Variants in TMEM132C observed in about 807,000 individuals in gnomAD.
The protein encoded by TMEM132C is transmembrane protein 132C, also known as protein phosphatase 1, regulatory subunit 152.
In TMEM132C, 29 loss-of-function variants were observed where a neutral mutation model predicts 61.4. That is an observed-to-expected ratio of 0.47 (90% CI 0.35 to 0.64). The LOEUF (loss-of-function observed/expected upper bound fraction) is 0.64, where lower values mean the gene tolerates loss of function less well. TMEM132C is among the 30% of genes least tolerant of loss of function. The pLI is 0.00. For synonymous variants in TMEM132C, 656 were observed against 633.1 expected, an observed-to-expected ratio of 1.04 and a Z score of -0.54; for missense variants, 1,408 against 1,476.9, an observed-to-expected ratio of 0.95 and a Z score of 0.76.
chr12:128,461,266 A>C (rs964873678), intron 2 of TMEM132C, among the ~76,000 whole-genome samples: 7 of 152,186 alleles, frequency 4.6e-5, no homozygotes, highest in African/African-American at 1.7e-4. Flanking sequence ...GACAAGGGAC[A>C]TAGAACTGTG....
At chr12:128,640,828 G>A (rs1954152164) in intron 4 of TMEM132C, among the ~76,000 whole-genome samples, 1 of 152,182 alleles carries the variant, frequency 6.6e-6, no homozygotes, top group Non-Finnish European at 1.5e-5. Flanking sequence ...TTGGGCCGCA[G>A]TGAGCCATGA....
chr12:128,527,902 T>C (rs1873145878), intron 2 of TMEM132C, among the ~76,000 whole-genome samples: 1 of 152,208 alleles, frequency 6.6e-6, no homozygotes, highest in Admixed American at 6.5e-5. Context: ...AGCAAGTTTC[T>C]TAACCATTCT....
At chr12:128,516,706 G>A (rs1872730915) in intron 2 of TMEM132C, among the ~76,000 whole-genome samples, 2 of 152,000 alleles carry the variant, frequency 1.3e-5, no homozygotes, top group Admixed American at 1.3e-4. Flanking sequence ...GAGGCCAGAA[G>A]TTCAAGACCA....
At chr12:128,585,338 A>T (rs1330422327) in intron 3 of TMEM132C, among the ~76,000 whole-genome samples, 1 of 152,064 alleles carries the variant, frequency 6.6e-6, no homozygotes, top group Non-Finnish European at 1.5e-5. Flanking sequence ...GGAGATGTTA[A>T]ATGCCCAAAG....
intron 2 of TMEM132C, among the ~76,000 whole-genome samples, chr12:128,451,126 C>A (rs1857590939): frequency 6.6e-6 from 1 of 152,078 alleles, no homozygotes; most frequent in African/African-American, 2.4e-5. Context: ...GATTTGGGTT[C>A]TTTGCTGTTT....
At chr12:128,622,354 AAAAAAAATATAT>A (rs1403414706) in intron 4 of TMEM132C, among the ~76,000 whole-genome samples, 1 of 66,256 alleles carries the variant, frequency 1.5e-5, no homozygotes, top group African/African-American at 6.3e-5. Flanking sequence ...AAAAAAAAAA[AAAAAAAATATAT>A]ATATATATAT....
At chr12:128,524,145 G>C (rs1289896719) in intron 2 of TMEM132C, among the ~76,000 whole-genome samples, 1 of 152,130 alleles carries the variant, frequency 6.6e-6, no homozygotes, top group Non-Finnish European at 1.5e-5. Flanking sequence ...TGGGTTCCTT[G>C]GCTTAAGGTG....
chr12:128,575,811 A>G (rs1425125874), intron 3 of TMEM132C, among the ~76,000 whole-genome samples: 2 of 152,222 alleles, frequency 1.3e-5, no homozygotes, highest in Non-Finnish European at 2.9e-5. Context: ...AACAGGAAAG[A>G]TGTGTTCCAA....
chr12:128,633,546 A>G (rs192142312), intron 4 of TMEM132C, among the ~76,000 whole-genome samples: 120 of 152,334 alleles, frequency 7.9e-4, no homozygotes, highest in African/African-American at 2.8e-3. Flanking sequence ...ATGAGTATCA[A>G]TAGATGCAAC....
chr12:128,349,163 C>T (rs1195161282), intron 1 of TMEM132C, among the ~76,000 whole-genome samples: 2 of 152,054 alleles, frequency 1.3e-5, no homozygotes, highest in African/African-American at 4.8e-5. Context: ...GCCGTTGCAC[C>T]CAGCTGATTT....
chr12:128,629,438 T>G (rs1954047375), intron 4 of TMEM132C, among the ~76,000 whole-genome samples: 1 of 152,156 alleles, frequency 6.6e-6, no homozygotes, highest in Admixed American at 6.5e-5. Flanking sequence ...ACCATTGTAC[T>G]CCTGCCTAGG....
chr12:128,352,327 C>T (rs1873363423), intron 1 of TMEM132C, among the ~76,000 whole-genome samples: 2 of 152,022 alleles, frequency 1.3e-5, no homozygotes, highest in South Asian at 4.1e-4. Flanking sequence ...TGGGGAAAGC[C>T]CCTCATAAAA....
chr12:128,519,709 G>T (rs781388102), intron 2 of TMEM132C, among the ~76,000 whole-genome samples: 9 of 152,230 alleles, frequency 5.9e-5, no homozygotes, highest in South Asian at 2.1e-4. Flanking sequence ...TTTCCCCTAG[G>T]GCTGGGGAAA....
intron 3 of TMEM132C, 50 bp from the exon 4 acceptor site, chr12:128,616,102 G>T (rs1876789881): frequency 1.3e-6 from 2 of 1,532,050 alleles, no homozygotes; most frequent in Non-Finnish European, 8.8e-7. Context: ...AGGAGAGAAG[G>T]GTCCTTTGAA....
intron 3 of TMEM132C, among the ~76,000 whole-genome samples, chr12:128,576,540 G>A (rs1875102701): frequency 6.6e-6 from 1 of 152,238 alleles, no homozygotes; most frequent in Non-Finnish European, 1.5e-5. Flanking sequence ...AACTAGGATA[G>A]AGTGACTAAT....
rs192398801 is a variant in TMEM132C at position 128,706,069 on chromosome 12, G to A, written c.3101G>A (p.Arg1034Gln). 9.0e-5 allele frequency: 139 copies of A among 1,551,636 alleles called. No homozygotes were observed. The highest frequency in any genetic ancestry group is 3.6e-5 in the South Asian group (3 of 84,060). Reference protein sequence around the residue: ...QIHRSADSGGRQGREQKQDPL... With the variant: ...QIHRSADSGGQQGREQKQDPL... Reference sequence around the variant, plus strand: ...CACAGGTCAGCCGACTCCGGGGGGCGGCAGGGCAGAGAACAGAAGCAGGAC... The same window carrying A: ...CACAGGTCAGCCGACTCCGGGGGGCAGCAGGGCAGAGAACAGAAGCAGGAC... Residue 1034 changes from arginine (R) to glutamine (Q), a missense_variant, in exon 9 of 9, where the codon CGG becomes CAG. Transcript: ENST00000435159.
chr12:128,443,829 G>A (rs530871564), intron 2 of TMEM132C, among the ~76,000 whole-genome samples: 60 of 152,242 alleles, frequency 3.9e-4, no homozygotes, highest in African/African-American at 1.3e-3. Context: ...GGAATGCTCC[G>A]TCCTCTGTCT....
In TMEM132C at chr12:128,372,443, C is replaced by G. The variant is rs1228927202; in HGVS notation, c.86-42289C>G. 2.0e-5 allele frequency among the ~76,000 whole-genome samples: 3 copies of G among 152,008 alleles called. No homozygotes were observed. In the East Asian group the frequency reaches 5.8e-4, roughly 29 times the overall value. On this transcript the variant is annotated intron_variant, in intron 1 of 8. Coordinates refer to ENST00000435159, the MANE Select transcript of TMEM132C (RefSeq NM_001136103.3). ...GAGACAGACAGAGTGACTGAAAGCA[C>G]AAGATGAAATAAACGTAAGAGAGAG...
At chr12:128,452,082 A>T (rs997053729) in intron 2 of TMEM132C, among the ~76,000 whole-genome samples, 2 of 152,108 alleles carry the variant, frequency 1.3e-5, no homozygotes, top group Admixed American at 6.5e-5. Flanking sequence ...AAATAAAAAA[A>T]TGCAATTATG....
Sources: allele counts gnomAD v4.1 joint callset (sites outside exome capture counted in the v4.1 genomes callset), GRCh38; gene constraint gnomAD v4.1.1; transcripts MANE v1.5; gene names NCBI Gene and HGNC (gene_info 2026-07-23, HGNC 2026-07-21).